The following KCNQ1 variants were observed in gnomAD, a reference collection of about 807,000 sequenced individuals.
KCNQ1 encodes potassium voltage-gated channel subfamily KQT member 1.
A neutral mutation model predicts 72.4 loss-of-function variants in KCNQ1; 49 were observed. The ratio of observed to expected loss-of-function variants is 0.68; its 90% CI spans 0.54 to 0.86. The LOEUF is 0.86. KCNQ1 is among the 40% of genes least tolerant of loss of function. The probability of loss-of-function intolerance (pLI) is 0.00; values close to 1 mark genes in which losing one functional copy is unlikely to be tolerated. For synonymous variants in KCNQ1, 450 were observed against 412.6 expected (o/e 1.09, Z -1.10); for missense variants, 790 against 945.1 (o/e 0.84, Z 2.15).
In KCNQ1 at chr11:2,516,686, G is replaced by C. The variant is rs186923650; in HGVS notation, c.387-11242G>C. 6.6e-6 allele frequency among the ~76,000 whole-genome samples: 1 copy of C among 152,046 alleles called. No individual in the cohort carries two copies. The highest frequency in any genetic ancestry group is 1.9e-4 in the East Asian group (1 of 5,184). The stretch of plus-strand genomic sequence containing the variant: ...CTCTTTGCCGGGATCCTCATGCTAC[G>C]GCCACCACCTGATTTTGTCGATAAA... On this transcript the variant is annotated intron_variant, in intron 1 of 15. Coordinates refer to ENST00000155840, the MANE Select transcript of KCNQ1 (RefSeq NM_000218.3). This position sits in a 1 kb window ranked among gnomAD's most constrained non-coding sequence, Gnocchi z 7.0.
chr11:2,593,242 T>G lies in KCNQ1; in HGVS notation c.1393+4388T>G, dbSNP rs887757842. ...GTAGGGCTGGCCGGAGGTGGCCTCC[T>G]GAATGCCCCTAGGAGGCCAGAGGAG... On this transcript the variant is annotated intron_variant, in intron 10 of 15. Coordinates refer to ENST00000155840, the MANE Select transcript of KCNQ1 (RefSeq NM_000218.3). This position sits in a 1 kb window ranked among gnomAD's most constrained non-coding sequence, Gnocchi z 6.9. Among the ~76,000 whole-genome samples, 4 of 152,202 alleles carry G rather than the reference T, an allele frequency of 2.6e-5. No individual in the cohort carries two copies. The highest frequency in any genetic ancestry group is 1.3e-4 in the Admixed American group (2 of 15,288).
At position 2,620,219 on chromosome 11, in the gene KCNQ1, T is replaced by TTTTA; in HGVS notation, c.1393+31368_1393+31369insATTT. 1 of 274,382 alleles carries TTTTA rather than the reference T, an allele frequency of 3.6e-6. No individual in the cohort carries two copies. Among genetic ancestry groups the TTTTA allele is most frequent in the Non-Finnish European group, 6.5e-6 (1 of 153,798 alleles). The allele number at this position is 274,382 out of a possible 1,614,324, so 17.0% of individuals were successfully genotyped here. ...TTCATGTATATATATATATTTTTTT[T>TTTTA]TTTTATTTTTTTTTTAGACGGAGTT... On this transcript the variant is annotated intron_variant, in intron 10 of 15. Transcript: ENST00000155840. The surrounding 1 kb of genome is among the most constrained non-coding windows in gnomAD (Gnocchi z 4.5).
At chr11:2,535,979 C>T (rs1051088910) in intron 2 of KCNQ1, among the ~76,000 whole-genome samples, 7 of 152,248 alleles carry the variant, frequency 4.6e-5, no homozygotes, top group African/African-American at 1.7e-4. Flanking sequence ...GAGCCTGAGG[C>T]CCACGGGGCA....
In KCNQ1 at chr11:2,720,301, C is replaced by T. The variant is rs1023497046; in HGVS notation, c.1515-48543C>T. On this transcript the variant is annotated intron_variant, in intron 11 of 15. Transcript: ENST00000155840. This position sits in a 1 kb window ranked among gnomAD's most constrained non-coding sequence, Gnocchi z 5.1. Reference sequence around the variant, plus strand: ...GGGCTTGAGTGTCCTGGCAGCTCTCCTCATCCATCCTATGTGTACACTCAG... The same window carrying T: ...GGGCTTGAGTGTCCTGGCAGCTCTCTTCATCCATCCTATGTGTACACTCAG... Among the ~76,000 whole-genome samples the T allele has an allele frequency of 7.2e-5, 11 of 152,188 alleles. No individual in the cohort carries two copies. The highest frequency in any genetic ancestry group is 1.3e-4 in the Non-Finnish European group (9 of 68,032).
In KCNQ1 at chr11:2,603,742, G is replaced by A. The variant is rs1848839301; in HGVS notation, c.1393+14888G>A. Among the ~76,000 whole-genome samples, 1 of 151,870 alleles carries A rather than the reference G, an allele frequency of 6.6e-6. No homozygotes were observed. Among genetic ancestry groups the A allele is most frequent in the Non-Finnish European group, 1.5e-5 (1 of 67,998 alleles). Reference sequence around the variant, plus strand: ...GTCTCCCTCTGTCGCCCAGGCTGGAGTGCAGTGGCGCGATGTCGGCTCACT... The same window carrying A: ...GTCTCCCTCTGTCGCCCAGGCTGGAATGCAGTGGCGCGATGTCGGCTCACT... On this transcript the variant is annotated intron_variant, in intron 10 of 15. Coordinates refer to ENST00000155840, the MANE Select transcript of KCNQ1 (RefSeq NM_000218.3). The surrounding 1 kb of genome is among the most constrained non-coding windows in gnomAD (Gnocchi z 4.1).
chr11:2,572,789 C>T (rs1848357785), intron 5 of KCNQ1, 57 bp from the exon 6 acceptor site: 5 of 1,610,378 alleles, frequency 3.1e-6, no homozygotes, highest in Non-Finnish European at 2.5e-6. Context: ...GGCGTCTGCA[C>T]AGGAGGCTCC....
At position 2,509,995 on chromosome 11, in the gene KCNQ1, C is replaced by T. The variant is rs1276728257; in HGVS notation, c.387-17933C>T. ...TGTTTAAAGGCTAATTGGGATCGGT[C>T]GTGGTGCCTCAGGCCTGTCAATCCA... is the stretch of plus-strand genomic sequence containing the variant. On this transcript the variant is annotated intron_variant, in intron 1 of 15. Transcript: ENST00000155840. This position sits in a 1 kb window ranked among gnomAD's most constrained non-coding sequence, Gnocchi z 6.3. Among the ~76,000 whole-genome samples, 5 of 152,034 alleles carry T rather than the reference C, an allele frequency of 3.3e-5. No individual in the cohort carries two copies. Among genetic ancestry groups the T allele is most frequent in the South Asian group, 2.1e-4 (1 of 4,818 alleles).
intron 6 of KCNQ1, among the ~76,000 whole-genome samples, chr11:2,577,561 G>A (rs1013065092): frequency 1.3e-5 from 2 of 152,216 alleles, no homozygotes; most frequent in African/African-American, 4.8e-5. Context: ...TCCATGTGAC[G>A]GGGAGGCCTG....
chr11:2,820,994 C>T (rs1261497790), intron 15 of KCNQ1, among the ~76,000 whole-genome samples: 1 of 152,268 alleles, frequency 6.6e-6, no homozygotes, highest in Non-Finnish European at 1.5e-5. Context: ...TTTCTAGGCC[C>T]ATCTAAGCGA....
Position 2,541,001 on chromosome 11 carries a change from G to A in KCNQ1, c.477+12983G>A, listed in dbSNP as rs1997619. ...CACACACGCACAGACATATGTGCAC[G>A]GATGGGCGTGTGGACGTATGCACAC... is the stretch of plus-strand genomic sequence containing the variant. On this transcript the variant is annotated intron_variant, in intron 2 of 15. Coordinates refer to ENST00000155840, the MANE Select transcript of KCNQ1 (RefSeq NM_000218.3). This position sits in a 1 kb window ranked among gnomAD's most constrained non-coding sequence, Gnocchi z 4.8. Among the ~76,000 whole-genome samples the A allele has an allele frequency of 0.17, 25,524 of 152,232 alleles. 2,567 individuals carry two copies. The highest frequency in any genetic ancestry group is 0.3 in the East Asian group (1,546 of 5,164).
intron 2 of KCNQ1, among the ~76,000 whole-genome samples, chr11:2,529,042 G>GTT: frequency 6.6e-6 from 1 of 152,334 alleles, no homozygotes; most frequent in South Asian, 2.1e-4. Context: ...AGTTTCCTGG[G>GTT]TAAGTGGTGT....
chr11:2,517,108 C>T (rs926200164), intron 1 of KCNQ1, among the ~76,000 whole-genome samples: 4 of 152,146 alleles, frequency 2.6e-5, no homozygotes, highest in Non-Finnish European at 5.9e-5. Flanking sequence ...GGGCCCTGGG[C>T]GTCCGGGTGA....
chr11:2,769,347 A>G lies in KCNQ1; in HGVS notation c.1590+428A>G, dbSNP rs1202966590. On this transcript the variant is annotated intron_variant, in intron 12 of 15. Transcript: ENST00000155840. This position sits in a 1 kb window ranked among gnomAD's most constrained non-coding sequence, Gnocchi z 4.6. The stretch of plus-strand genomic sequence containing the variant: ...CCCAGACCCCCCAGCCCTGTCCTCC[A>G]CTGGCTCAGTGCTCTCATTCCCTGC... Among the ~76,000 whole-genome samples the G allele has an allele frequency of 6.6e-6, 1 of 152,150 alleles. No individual in the cohort carries two copies. The highest frequency in any genetic ancestry group is 2.4e-5 in the African/African-American group (1 of 41,450).
intron 2 of KCNQ1, among the ~76,000 whole-genome samples, chr11:2,569,098 C>G (rs1303897437): frequency 1.3e-5 from 2 of 152,142 alleles, no homozygotes; most frequent in Admixed American, 1.3e-4. Flanking sequence ...GTTGATCAGG[C>G]TGGTCTTGAA....
rs147445322 is a variant in KCNQ1, at chr11:2,847,803, G to T, written c.1831G>T (p.Asp611Tyr). ...QLDQRLALIT[D>Y]MLHQLLSLHG... is the part of the protein sequence containing the mutation. Reference sequence around the variant, plus strand: ...GGACCAGAGGCTGGCACTCATCACCGACATGCTTCACCAGCTGCTCTCCTT... The same window carrying T: ...GGACCAGAGGCTGGCACTCATCACCTACATGCTTCACCAGCTGCTCTCCTT... The change falls in exon 16 of 16, where the codon GAC becomes TAC. Residue 611 changes from aspartate to tyrosine, a missense_variant. By Grantham distance (160) the Asp-to-Tyr change is radical. This residue lies in a region of KCNQ1 where 91 missense variants were observed against 139.1 expected (regional missense o/e 0.65). Coordinates refer to ENST00000155840, the MANE Select transcript of KCNQ1 (RefSeq NM_000218.3). 12 of 1,571,356 alleles carry T rather than the reference G, an allele frequency of 7.6e-6. No individual in the cohort carries two copies. In the East Asian group the frequency reaches 2.8e-4, roughly 37 times the overall value.
At position 2,642,745 on chromosome 11, in the gene KCNQ1, G is replaced by T; in HGVS notation, c.1394-19216G>T. The T allele has an allele frequency of 5.0e-6, 2 of 397,504 alleles. No homozygotes were observed. Among genetic ancestry groups the T allele is most frequent in the Non-Finnish European group, 4.4e-6 (1 of 225,538 alleles). The allele number at this position is 397,504 out of a possible 1,614,324, so 24.6% of individuals were successfully genotyped here. On this transcript the variant is annotated intron_variant, in intron 10 of 15. Transcript: ENST00000155840. The surrounding 1 kb of genome is among the most constrained non-coding windows in gnomAD (Gnocchi z 4.3). Reference sequence around the variant, plus strand: ...GTTCTTGCTTTTCTGGTTCCTTCAGGTGTATCATTAGATTATTTAAGATCT... The same window carrying T: ...GTTCTTGCTTTTCTGGTTCCTTCAGTTGTATCATTAGATTATTTAAGATCT...
chr11:2,587,857 G>A (rs970901306), intron 9 of KCNQ1, among the ~76,000 whole-genome samples, 165 bp downstream of exon 9: 1 of 152,174 alleles, frequency 6.6e-6, no homozygotes, highest in African/African-American at 2.4e-5. Context: ...CCGATGCTAG[G>A]TTCCTGCCAT....
At chr11:2,675,194 C>T in intron 11 of KCNQ1, 1 of 398,568 alleles carries the variant, frequency 2.5e-6, no homozygotes, top group Non-Finnish European at 4.4e-6. Context: ...CCCTCTAGGT[C>T]AATATTGTGT....
At chr11:2,786,948 T>G (rs1846925686) in intron 15 of KCNQ1, among the ~76,000 whole-genome samples, 1 of 120,860 alleles carries the variant, frequency 8.3e-6, no homozygotes, top group Non-Finnish European at 1.9e-5. Flanking sequence ...ATTTCGTTTC[T>G]GTTTTTTTTT....
Sources: allele counts gnomAD v4.1 joint callset (sites outside exome capture counted in the v4.1 genomes callset), GRCh38; gene constraint gnomAD v4.1.1; regional missense constraint gnomAD v4.1.1; non-coding constraint Gnocchi (gnomAD v3.1); transcripts MANE v1.5; gene names NCBI Gene and HGNC (gene_info 2026-07-23, HGNC 2026-07-21).